Variants in HSD17B12 observed in about 807,000 individuals in gnomAD.
The protein encoded by HSD17B12 is hydroxysteroid 17-beta dehydrogenase 12.
A neutral mutation model predicts 39.3 loss-of-function variants in HSD17B12; 32 were observed. The ratio of observed to expected loss-of-function variants is 0.81; its 90% CI spans 0.61 to 1.09. The LOEUF is 1.09. Ranked by LOEUF, HSD17B12 falls within the 50% of genes least tolerant of loss-of-function variation. HSD17B12 has a pLI of 0.00. For synonymous variants in HSD17B12, 150 were observed against 146.7 expected (o/e 1.02, Z -0.16); for missense variants, 342 against 382.9 (o/e 0.89, Z 0.89).
chr11:43,658,035 A>G, the HSD17B12 span, among the ~76,000 whole-genome samples: 3 of 152,200 alleles, frequency 2.0e-5, no homozygotes, highest in East Asian at 1.9e-4. Flanking sequence ...AGGTACACCA[A>G]TTAGACGTAG....
intron 9 of HSD17B12, 192 bp from the exon 10 acceptor site, chr11:43,854,523 T>C: frequency 5.4e-6 from 3 of 552,048 alleles, no homozygotes; most frequent in Non-Finnish European, 9.6e-6. Context: ...GAGAGATTGA[T>C]TTGTTACAAT....
chr11:43,789,536 G>T (rs1020412018), intron 3 of HSD17B12, among the ~76,000 whole-genome samples: 1 of 152,156 alleles, frequency 6.6e-6, no homozygotes, highest in Non-Finnish European at 1.5e-5. Flanking sequence ...CCTGGGCCTT[G>T]GTTTAGAATG....
chr11:43,822,486 C>T (rs890384070), intron 6 of HSD17B12, among the ~76,000 whole-genome samples: 1 of 152,142 alleles, frequency 6.6e-6, no homozygotes, highest in African/African-American at 2.4e-5. Flanking sequence ...TCCCCACTTT[C>T]CCCACCCCAC....
chr11:43,576,278 T>G, the HSD17B12 span, among the ~76,000 whole-genome samples: 2 of 152,038 alleles, frequency 1.3e-5, no homozygotes, highest in East Asian at 3.8e-4. Context: ...AGTCTGGTGG[T>G]GCAGGAAAAA....
chr11:43,756,918 C>T (rs905695111), intron 3 of HSD17B12, among the ~76,000 whole-genome samples: 1 of 152,178 alleles, frequency 6.6e-6, no homozygotes, highest in Non-Finnish European at 1.5e-5. Flanking sequence ...ATGGTAAAGA[C>T]ACTGAATTGA....
At chr11:43,612,093 C>T in the HSD17B12 span, among the ~76,000 whole-genome samples, 165 of 152,238 alleles carry the variant, frequency 1.1e-3, 1 homozygote, top group Non-Finnish European at 2.2e-3. Flanking sequence ...TTTCCTTTGC[C>T]TCCTTTCTGG....
chr11:43,800,219 A>G (rs1397593390), intron 4 of HSD17B12, among the ~76,000 whole-genome samples: 2 of 152,356 alleles, frequency 1.3e-5, no homozygotes, highest in Admixed American at 6.5e-5. Flanking sequence ...GTCATGGTTC[A>G]TCTTAACCTC....
intron 1 of HSD17B12, among the ~76,000 whole-genome samples, chr11:43,684,228 T>G (rs1322679994): frequency 6.6e-6 from 1 of 152,214 alleles, no homozygotes; most frequent in Non-Finnish European, 1.5e-5. Context: ...TAAGACTTCT[T>G]TGTCATTGTT....
chr11:43,840,216 A>C, intron 9 of HSD17B12, 152 bp downstream of exon 9: 1 of 602,168 alleles, frequency 1.7e-6, no homozygotes, highest in African/African-American at 1.9e-5. Context: ...TTTTTCCTTA[A>C]TGCACTTGTC....
chr11:43,657,450 T>C, the HSD17B12 span, among the ~76,000 whole-genome samples: 3 of 152,180 alleles, frequency 2.0e-5, no homozygotes, highest in Non-Finnish European at 4.4e-5. Context: ...CACTATGATG[T>C]TAGCTGGTTA....
Position 43,831,478 on chromosome 11 carries a change from G to A in HSD17B12, c.536+468G>A, listed in dbSNP as rs1439660798. ...TTATAAGATGTCAAACCAACCCTTG[G>A]AGGAAAAGGCAATGTCCACTCGCCC... On this transcript the variant is annotated intron_variant, in intron 7 of 10. Transcript: ENST00000278353. The surrounding 1 kb of genome is among the most constrained non-coding windows in gnomAD (Gnocchi z 4.1). 3 of 152,348 alleles carry A rather than the reference G, an allele frequency of 2.0e-5. No individual in the cohort carries two copies. The highest frequency in any genetic ancestry group is 7.2e-5 in the African/African-American group (3 of 41,438). 9.4% of individuals were successfully genotyped at this position (152,348 alleles called of 1,614,324 possible).
chr11:43,557,772 C>T, the HSD17B12 span, among the ~76,000 whole-genome samples: 1 of 151,758 alleles, frequency 6.6e-6, no homozygotes, highest in African/African-American at 2.4e-5. Context: ...TCGGGGGCGG[C>T]AGAGAAGGAG....
At chr11:43,727,846 A>G (rs982972090) in intron 1 of HSD17B12, among the ~76,000 whole-genome samples, 1 of 152,128 alleles carries the variant, frequency 6.6e-6, no homozygotes, top group African/African-American at 2.4e-5. Flanking sequence ...GGAGAGATGA[A>G]CTATGGCAGT....
At chr11:43,833,227 A>G (rs187931630) in intron 7 of HSD17B12, 2 of 152,288 alleles carry the variant, frequency 1.3e-5, no homozygotes, top group Admixed American at 1.3e-4. Flanking sequence ...GTCTATGTCT[A>G]CTTGAATTAA....
the HSD17B12 span, among the ~76,000 whole-genome samples, chr11:43,642,951 A>G: frequency 6.6e-6 from 1 of 151,998 alleles, no homozygotes; most frequent in Non-Finnish European, 1.5e-5. Context: ...AATTTCGTAG[A>G]GTCTTACTAA....
chr11:43,793,594 T>C (rs561657136), intron 3 of HSD17B12, among the ~76,000 whole-genome samples: 82 of 152,334 alleles, frequency 5.4e-4, no homozygotes, highest in African/African-American at 1.9e-3. Context: ...GCTGGAAGTA[T>C]GGTAAACATA....
intron 6 of HSD17B12, 28 bp from the exon 7 acceptor site, chr11:43,830,948 C>T: frequency 6.2e-7 from 1 of 1,600,912 alleles, no homozygotes; most frequent in Non-Finnish European, 8.5e-7. Context: ...CCTTGGCCAT[C>T]ATGAATGTTT....
upstream of HSD17B12, among the ~76,000 whole-genome samples, chr11:43,677,211 T>C (rs2134726292): frequency 6.6e-6 from 1 of 152,230 alleles, no homozygotes; most frequent in African/African-American, 2.4e-5. Context: ...AGGCTCAAAT[T>C]GAATCTTATC....
At position 43,685,720 on chromosome 11, in the gene HSD17B12, T is replaced by C. The variant is rs553751675; in HGVS notation, c.160+4733T>C. ...TCTGCAACATTCGTACACTGTATGT[T>C]GGTGATGGGCCTACAGACTGGATGA... On this transcript the variant is annotated intron_variant, in intron 1 of 10. Coordinates refer to ENST00000278353, the MANE Select transcript of HSD17B12 (RefSeq NM_016142.3). Among the ~76,000 whole-genome samples the C allele has an allele frequency of 1.2e-3, 186 of 152,364 alleles. 3 individuals are homozygous for C. Among genetic ancestry groups the C allele is most frequent in the Admixed American group, 0.011 (167 of 15,304 alleles).
Sources: allele counts gnomAD v4.1 joint callset (sites outside exome capture counted in the v4.1 genomes callset), GRCh38; gene constraint gnomAD v4.1.1; non-coding constraint Gnocchi (gnomAD v3.1); transcripts MANE v1.5; gene names NCBI Gene and HGNC (gene_info 2026-07-23, HGNC 2026-07-21).